Variants in PCGF5 observed in about 807,000 individuals in gnomAD.
The protein encoded by PCGF5 is polycomb group ring finger 5.
In PCGF5, 9 loss-of-function variants were observed where a neutral mutation model predicts 44.3. The observed-to-expected ratio is 0.20, with a 90% CI of 0.12 to 0.35. The LOEUF (loss-of-function observed/expected upper bound fraction) is 0.35. Among genes scored for constraint, PCGF5 ranks in the 10% least tolerant of loss-of-function variants. PCGF5 has a pLI of 1.00. For missense variants in PCGF5, 146 were observed against 305.3 expected (o/e 0.48, Z 3.89); for synonymous variants, 95 against 102.5 (o/e 0.93, Z 0.44).
At position 91,195,459 on chromosome 10, in the gene PCGF5, TATATATGCATGCATATATATATATATAG is replaced by T. The variant is rs1274258744; in HGVS notation, c.-183-27228_-183-27201del. 1.2e-3 allele frequency among the ~76,000 whole-genome samples: 149 copies of T among 127,850 alleles called. 1 individual carries two copies. Among genetic ancestry groups the T allele is most frequent in the African/African-American group, 4.4e-3 (145 of 32,704 alleles). The allele number at this position is 127,850 out of a possible 152,430, so 83.9% of individuals were successfully genotyped here. Reference sequence around the variant, plus strand: ...AATCATATGTATATATATGCATATATATATATGCATGCATATATATATATATAGAGAGAGAGAGAGAGAGAGAGACGCA... The same window carrying T: ...AATCATATGTATATATATGCATATATAGAGAGAGAGAGAGAGAGAGACGCA... On this transcript the variant is annotated intron_variant, in intron 1 of 9. Coordinates refer to the PCGF5 transcript ENST00000614189.
Position 91,221,710 on chromosome 10 carries a change from C to T in PCGF5, c.-184+874C>T, listed in dbSNP as rs932389158. ...TCATGTTGTGTTTTCTGAGAGGATA[C>T]ATATTTTACAGTTAAAAAAAAAAAA... On this transcript the variant is annotated intron_variant, in intron 1 of 9. Transcript: ENST00000336126. 1.3e-4 allele frequency among the ~76,000 whole-genome samples: 18 copies of T among 136,506 alleles called. 1 individual carries two copies. The highest frequency in any genetic ancestry group is 9.2e-5 in the Non-Finnish European group (6 of 64,990). 89.6% of individuals were successfully genotyped at this position (136,506 alleles called of 152,430 possible).
At chr10:91,172,989 C>A (rs916326714) in intron 1 of PCGF5, among the ~76,000 whole-genome samples, 4 of 152,112 alleles carry the variant, frequency 2.6e-5, no homozygotes, top group African/African-American at 9.7e-5. Context: ...GGAATTAGTC[C>A]TGATTCTGTC....
At position 91,182,130 on chromosome 10, in the gene PCGF5, C is replaced by T. The variant is rs188306403; in HGVS notation, c.-184+19049C>T. Among the ~76,000 whole-genome samples, 35 of 147,086 alleles carry T rather than the reference C, an allele frequency of 2.4e-4. No individual in the cohort carries two copies. In the South Asian group the frequency reaches 5.0e-3, roughly 21 times the overall value. On this transcript the variant is annotated intron_variant, in intron 1 of 9. Transcript: ENST00000614189. ...GTTGTTTGTATTTCTGTGAGGTCAG[C>T]GGTAATGTCCCCCTTATCATTTCTG... is the stretch of plus-strand genomic sequence containing the variant.
chr10:91,271,710 C>CA lies in PCGF5; in HGVS notation c.723+14dup, dbSNP rs1846186026. ...CCCTTTGTATCAGGTAAGAGGCACTCACGACTGTACATATGACCATCATGA... is the reference window on the plus strand; with the variant it reads ...CCCTTTGTATCAGGTAAGAGGCACTCAACGACTGTACATATGACCATCATGA... On this transcript the variant is annotated intron_variant, in intron 9 of 9. Coordinates refer to ENST00000336126, the MANE Select transcript of PCGF5 (RefSeq NM_032373.5). 1 of 1,606,126 alleles carries CA rather than the reference C, an allele frequency of 6.2e-7. No individual in the cohort carries two copies. Among genetic ancestry groups the CA allele is most frequent in the Non-Finnish European group, 8.5e-7 (1 of 1,172,842 alleles).
At chr10:91,248,469 T>C (rs1407366542) in intron 3 of PCGF5, 36 bp from the exon 4 acceptor site, 2 of 1,553,456 alleles carry the variant, frequency 1.3e-6, no homozygotes, top group Non-Finnish European at 1.8e-6. Context: ...CTTGGTGTCT[T>C]CATTGTTAGT....
chr10:91,274,688 A>G (rs1589413998), intron 9 of PCGF5, among the ~76,000 whole-genome samples: 1 of 152,342 alleles, frequency 6.6e-6, no homozygotes, highest in East Asian at 1.9e-4. Flanking sequence ...TAGCCAAGAG[A>G]AGCCCTCTTT....
chr10:91,223,044 A>G, intron 2 of PCGF5, 61 bp downstream of exon 2: 1 of 1,114,002 alleles, frequency 9.0e-7, no homozygotes, highest in Non-Finnish European at 1.3e-6. Context: ...TGTTCTTTTA[A>G]AATTGCCATG....
At chr10:91,167,000 C>T (rs1164175778) in intron 1 of PCGF5, among the ~76,000 whole-genome samples, 1 of 151,998 alleles carries the variant, frequency 6.6e-6, no homozygotes, top group African/African-American at 2.4e-5. Flanking sequence ...GGGGAATGAC[C>T]GATTTCTAAG....
At chr10:91,176,438 C>G (rs1210434683) in intron 1 of PCGF5, among the ~76,000 whole-genome samples, 1 of 152,040 alleles carries the variant, frequency 6.6e-6, no homozygotes, top group African/African-American at 2.4e-5. Flanking sequence ...TCTGTATTTC[C>G]TGAATTTGAA....
At chr10:91,230,483 G>A (rs917720735) in intron 2 of PCGF5, among the ~76,000 whole-genome samples, 18 of 151,938 alleles carry the variant, frequency 1.2e-4, no homozygotes, top group African/African-American at 3.6e-4. Context: ...AAGCCAGGGC[G>A]CAAAGCTATA....
At chr10:91,203,308 C>G (rs1844286428) in intron 1 of PCGF5, among the ~76,000 whole-genome samples, 2 of 152,120 alleles carry the variant, frequency 1.3e-5, no homozygotes, top group African/African-American at 4.8e-5. Context: ...ACTTAAGACA[C>G]CAGCCAAGGA....
At chr10:91,177,436 C>G (rs1843729306) in intron 1 of PCGF5, among the ~76,000 whole-genome samples, 1 of 152,230 alleles carries the variant, frequency 6.6e-6, no homozygotes, top group Non-Finnish European at 1.5e-5. Context: ...TCCAAGCTGT[C>G]AGACAGAGAC....
rs148091595 is a variant in PCGF5 at position 91,204,754 on chromosome 10, C to A, written c.-183-17935C>A. ...CTTTTTCTCTCTCTTCTTCAGATTT[C>A]TTCCTCCTTTCACTGCCTCACTGTC... On this transcript the variant is annotated intron_variant, in intron 1 of 9. Coordinates refer to the PCGF5 transcript ENST00000614189. 4.6e-3 allele frequency among the ~76,000 whole-genome samples: 703 copies of A among 152,324 alleles called. 5 individuals are homozygous for A. The highest frequency in any genetic ancestry group is 0.016 in the African/African-American group (653 of 41,558).
chr10:91,213,545 A>T (rs903303493), intron 1 of PCGF5, among the ~76,000 whole-genome samples: 2 of 151,706 alleles, frequency 1.3e-5, no homozygotes, highest in African/African-American at 4.8e-5. Context: ...GCTCACTGCA[A>T]CCTCCGCCTC....
At chr10:91,273,823 G>A (rs1846240281) in intron 9 of PCGF5, among the ~76,000 whole-genome samples, 1 of 149,606 alleles carries the variant, frequency 6.7e-6, no homozygotes, top group Non-Finnish European at 1.5e-5. Flanking sequence ...ATAATATAGT[G>A]TATATTATAT....
intron 6 of PCGF5, among the ~76,000 whole-genome samples, chr10:91,252,807 C>T (rs1845652556): frequency 6.6e-6 from 1 of 151,938 alleles, no homozygotes; most frequent in African/African-American, 2.4e-5. Flanking sequence ...ACGTAAAGTC[C>T]ACTTCTCTGC....
intron 1 of PCGF5, among the ~76,000 whole-genome samples, chr10:91,189,828 T>C (rs2133210132): frequency 6.6e-6 from 1 of 152,376 alleles, no homozygotes; most frequent in East Asian, 1.9e-4. Flanking sequence ...AACACGTCTA[T>C]ATTTTCAAGT....
At chr10:91,254,979 A>G (rs1024955670) in intron 6 of PCGF5, among the ~76,000 whole-genome samples, 12 of 152,234 alleles carry the variant, frequency 7.9e-5, no homozygotes, top group South Asian at 2.1e-4. Flanking sequence ...CCTTGAAAAT[A>G]ACAGCCTGCT....
chr10:91,278,243 A>G lies in PCGF5; in HGVS notation c.724-26A>G, dbSNP rs756676950. On this transcript the variant is annotated intron_variant, in intron 9 of 9. Transcript: ENST00000336126. The stretch of plus-strand genomic sequence containing the variant: ...ATTGTTTTTATCCAAATACAGTCTT[A>G]TTTATTATCTGTCTTTATTTTGTAG... 13 of 1,561,684 alleles carry G rather than the reference A, an allele frequency of 8.3e-6. No homozygotes were observed. In the African/African-American group the frequency reaches 1.6e-4, roughly 20 times the overall value.
Sources: allele counts gnomAD v4.1 joint callset (sites outside exome capture counted in the v4.1 genomes callset), GRCh38; gene constraint gnomAD v4.1.1; transcripts MANE v1.5; gene names NCBI Gene and HGNC (gene_info 2026-07-23, HGNC 2026-07-21).